SLC25A18: variants seen among roughly 807,000 people sequenced by gnomAD.
The protein encoded by SLC25A18 is mitochondrial glutamate carrier 2.
In SLC25A18, 24 loss-of-function variants were observed where a neutral mutation model predicts 31.1. That is an observed-to-expected ratio of 0.77 (90% CI 0.56 to 1.08). SLC25A18 has a LOEUF of 1.08. SLC25A18 is among the 50% of genes least tolerant of loss of function. The probability of loss-of-function intolerance (pLI) is 0.00; values close to 1 mark genes in which losing one functional copy is unlikely to be tolerated. For synonymous variants in SLC25A18, 173 were observed against 161.9 expected, an observed-to-expected ratio of 1.07 and a Z score of -0.52; for missense variants, 371 against 418.5, an observed-to-expected ratio of 0.89 and a Z score of 0.99.
intron 1 of SLC25A18, among the ~76,000 whole-genome samples, chr22:17,567,015 T>A (rs1275705508): frequency 6.6e-6 from 1 of 152,042 alleles, no homozygotes; most frequent in African/African-American, 2.4e-5. Flanking sequence ...ATAACAAAAA[T>A]TAGCCAGGCA....
chr22:17,587,266 T>C lies in SLC25A18; in HGVS notation c.540T>C (p.Ala180=), dbSNP rs370489437. Residue 180 remains alanine (A), a synonymous_variant, in exon 8 of 11, where the codon GCT becomes GCC. Transcript: ENST00000327451. Reference sequence around the variant, plus strand: ...AGCTGCTCCGCACTCAGGGCCTGGCTGGGCTCTACAGGGGCCTGGGTGCCA... The same window carrying C: ...AGCTGCTCCGCACTCAGGGCCTGGCCGGGCTCTACAGGGGCCTGGGTGCCA... The part of the protein sequence containing the change: ...AWELLRTQGL[A]GLYRGLGATL... 11 of 1,613,728 alleles carry C rather than the reference T, an allele frequency of 6.8e-6. No homozygotes were observed. The African/African-American group carries it at 1.5e-4, about 22-fold the overall frequency.
At chr22:17,580,147 C>T (rs1003198099) in intron 3 of SLC25A18, 183 bp downstream of exon 3, 2 of 553,558 alleles carry the variant, frequency 3.6e-6, no homozygotes, top group African/African-American at 3.8e-5. Flanking sequence ...AGCATCTGTG[C>T]ACATATATGT....
At chr22:17,564,636 C>G (rs889892615) in intron 1 of SLC25A18, among the ~76,000 whole-genome samples, 3 of 152,118 alleles carry the variant, frequency 2.0e-5, no homozygotes, top group African/African-American at 7.2e-5. Context: ...CCAAGGCGGG[C>G]GGATCACGAG....
In SLC25A18 at chr22:17,590,248, G is replaced by T; in HGVS notation, c.*12G>T. Reference sequence around the variant, plus strand: ...AGTGTTTTGACTAGACAGAGCTGGAGGTCAAGTCCCTGCGCTTGCCGCCCT... The same window carrying T: ...AGTGTTTTGACTAGACAGAGCTGGATGTCAAGTCCCTGCGCTTGCCGCCCT... On this transcript the variant is annotated 3_prime_UTR_variant, in exon 11 of 11. Coordinates refer to ENST00000327451, the MANE Select transcript of SLC25A18 (RefSeq NM_031481.3). 1 of 1,614,158 alleles carries T rather than the reference G, an allele frequency of 6.2e-7. No homozygotes were observed. The highest frequency in any genetic ancestry group is 8.5e-7 in the Non-Finnish European group (1 of 1,180,000).
intron 1 of SLC25A18, among the ~76,000 whole-genome samples, chr22:17,568,555 CTTTTTTTTT>C (rs695361): frequency 4.8e-5 from 3 of 62,534 alleles, no homozygotes; most frequent in South Asian, 7.5e-4. Context: ...TAAAGTACAT[CTTTTTTTTT>C]TTTTTTTTTT....
chr22:17,572,618 A>G (rs957753826), intron 2 of SLC25A18, among the ~76,000 whole-genome samples: 4 of 147,982 alleles, frequency 2.7e-5, no homozygotes, highest in Non-Finnish European at 4.5e-5. Context: ...ACATGGCGAG[A>G]CCCCATCTCT....
At chr22:17,569,253 C>A (rs1202271588) in intron 1 of SLC25A18, among the ~76,000 whole-genome samples, 2 of 152,106 alleles carry the variant, frequency 1.3e-5, no homozygotes, top group Non-Finnish European at 1.5e-5. Flanking sequence ...CGTGATCCGC[C>A]CGCCTCGGCC....
intron 10 of SLC25A18, among the ~76,000 whole-genome samples, chr22:17,589,870 T>C (rs1239009587): frequency 6.6e-6 from 1 of 152,200 alleles, no homozygotes; most frequent in African/African-American, 2.4e-5. Context: ...TCACCAAAGA[T>C]TCTAGCCACA....
chr22:17,574,539 T>G (rs1365451843), intron 2 of SLC25A18, among the ~76,000 whole-genome samples: 2 of 149,504 alleles, frequency 1.3e-5, no homozygotes, highest in Non-Finnish European at 3.0e-5. Flanking sequence ...TTTTTTGAGA[T>G]GGAGTCTTGC....
At chr22:17,583,353 G>A in intron 6 of SLC25A18, 63 bp from the exon 7 acceptor site, 2 of 1,600,782 alleles carry the variant, frequency 1.2e-6, no homozygotes, top group Middle Eastern at 1.9e-4. Context: ...CTCACAAGAG[G>A]GCAGCTGCAC....
Position 17,588,066 on chromosome 22 carries a change from G to A in SLC25A18, c.717G>A (p.Val239=), listed in dbSNP as rs1326614841. The change falls in exon 9 of 11, where the codon GTG becomes GTA. Residue 239 remains valine (V), a synonymous_variant. Transcript: ENST00000327451. The part of the protein sequence containing the change: ...CVAGSIAAVA[V]TPLDVLKTRI... ...CAGGTTCCATAGCTGCGGTCGCAGT[G>A]ACGCCTCTAGATGGTAAGGAGTTGG... 6.2e-7 allele frequency: 1 copy of A among 1,614,126 alleles called. No homozygotes were observed. Among genetic ancestry groups the A allele is most frequent in the East Asian group, 2.2e-5 (1 of 44,878 alleles).
rs2057373643 is a variant in SLC25A18 at position 17,581,529 on chromosome 22, T to C, written c.199+116T>C. ...GGGGCCAGGGCTGCCAGGGGGTCCT[T>C]CCTGATGAGCCTCTGTGCTCTTGGG... is the stretch of plus-strand genomic sequence containing the variant. On this transcript the variant is annotated intron_variant, in intron 5 of 10. Coordinates refer to ENST00000327451, the MANE Select transcript of SLC25A18 (RefSeq NM_031481.3). 4.9e-5 allele frequency: 56 copies of C among 1,148,312 alleles called. 2 individuals are homozygous for C. In the South Asian group the frequency reaches 7.4e-4, roughly 15 times the overall value. 71.1% of individuals were successfully genotyped at this position (1,148,312 alleles called of 1,614,324 possible).
chr22:17,584,450 A>AAGGAAGGAAGGAAGGAAG (rs1167043317), intron 7 of SLC25A18, among the ~76,000 whole-genome samples: 29 of 129,302 alleles, frequency 2.2e-4, no homozygotes, highest in African/African-American at 9.2e-4. Context: ...AAGGAAGGAG[A>AAGGAAGGAAGGAAGGAAG]GAGAGAGAGA....
intron 7 of SLC25A18, among the ~76,000 whole-genome samples, chr22:17,584,423 G>GA (rs58573353): frequency 0.012 from 1,310 of 111,406 alleles, 29 homozygotes; most frequent in African/African-American, 0.044. Flanking sequence ...AAGAAAGAAA[G>GA]AAGGAAGGAA....
chr22:17,571,941 T>A (rs1454628041), intron 2 of SLC25A18, among the ~76,000 whole-genome samples: 1 of 151,002 alleles, frequency 6.6e-6, no homozygotes, highest in Non-Finnish European at 1.5e-5. Context: ...CGCTTGAACC[T>A]AGGAGGCGGA....
At chr22:17,581,203 G>A in intron 4 of SLC25A18, 44 bp downstream of exon 4, 1 of 1,570,150 alleles carries the variant, frequency 6.4e-7, no homozygotes, top group Non-Finnish European at 8.7e-7. Context: ...GCGCCCGGGG[G>A]AGGGATGGGG....
chr22:17,590,008 A>C lies in SLC25A18; in HGVS notation c.807-87A>C, dbSNP rs2057673849. The C allele has an allele frequency of 2.6e-6, 4 of 1,548,372 alleles. No homozygotes were observed. In the Admixed American group the frequency reaches 7.3e-5, roughly 28 times the overall value. On this transcript the variant is annotated intron_variant, in intron 10 of 10. Transcript: ENST00000327451. ...TTGTGGAAGGCACTATTCTAAAATG[A>C]GAGGTGCACAAATGGAGAGGCTGCC...
chr22:17,577,050 T>A (rs1201404993), intron 2 of SLC25A18, among the ~76,000 whole-genome samples: 3 of 147,230 alleles, frequency 2.0e-5, no homozygotes, highest in Non-Finnish European at 4.5e-5. Context: ...GGGGACAGAG[T>A]CTCACTGTGT....
At chr22:17,581,933 A>C (rs1357402818) in intron 5 of SLC25A18, 1 of 156,770 alleles carries the variant, frequency 6.4e-6, no homozygotes, top group Non-Finnish European at 1.4e-5. Context: ...TGTGCGGCAC[A>C]GAGGAGCGGA....
Sources: gnomAD v4.1 joint callset for allele counts (sites outside exome capture counted in the v4.1 genomes callset) on GRCh38, gnomAD v4.1.1 for gene constraint, MANE v1.5 for transcripts, NCBI Gene and HGNC (gene_info 2026-07-23, HGNC 2026-07-21) for gene names.